Variants in TRDN observed in about 807,000 individuals in gnomAD.
The protein encoded by TRDN is triadin.
Under a neutral mutation model 149.7 loss-of-function variants are expected in TRDN, and 161 were observed. The observed-to-expected ratio is 1.08, with a 90% CI of 0.95 to 1.23. The LOEUF (loss-of-function observed/expected upper bound fraction) is 1.23, where lower values mean the gene tolerates loss of function less well. Ranked by LOEUF, TRDN falls within the 50% of genes most tolerant of loss-of-function variation. TRDN has a pLI of 0.00. For synonymous variants in TRDN, 294 were observed against 250.5 expected (o/e 1.17, Z -1.64); for missense variants, 896 against 823.5 (o/e 1.09, Z -1.08).
chr6:123,398,482 A>G (rs1160147694), intron 12 of TRDN, among the ~76,000 whole-genome samples: 1 of 152,216 alleles, frequency 6.6e-6, no homozygotes, highest in African/African-American at 2.4e-5. Context: ...GATAGTGGAA[A>G]CTAATGACAA....
intron 2 of TRDN, among the ~76,000 whole-genome samples, chr6:123,569,026 C>G (rs942271543): frequency 6.6e-6 from 1 of 152,182 alleles, no homozygotes; most frequent in African/African-American, 2.4e-5. Context: ...AAGATAAGTT[C>G]CACTTTAAGT....
chr6:123,518,820 C>T (rs1375590164), intron 5 of TRDN, among the ~76,000 whole-genome samples: 1 of 152,120 alleles, frequency 6.6e-6, no homozygotes, highest in Non-Finnish European at 1.5e-5. Flanking sequence ...GGGAGCTGTT[C>T]ATAATGGCAG....
intron 24 of TRDN, among the ~76,000 whole-genome samples, chr6:123,314,104 C>T (rs9388219): frequency 0.18 from 27,486 of 151,918 alleles, 3,371 homozygotes; most frequent in East Asian, 0.6. Context: ...ATGTGTCTGA[C>T]GCAAGTCTAA....
At chr6:123,583,268 A>C (rs902044680) in intron 1 of TRDN, among the ~76,000 whole-genome samples, 4 of 152,000 alleles carry the variant, frequency 2.6e-5, no homozygotes, top group African/African-American at 9.7e-5. Context: ...GGTGAATAGG[A>C]GTATGACTAG....
intron 2 of TRDN, among the ~76,000 whole-genome samples, chr6:123,562,893 A>T (rs1353853087): frequency 1.3e-5 from 2 of 152,220 alleles, no homozygotes; most frequent in African/African-American, 2.4e-5. Flanking sequence ...TCACTTTGCT[A>T]ATCTACATTT....
intron 32 of TRDN, among the ~76,000 whole-genome samples, chr6:123,266,136 T>G (rs1362493349): frequency 3.5e-5 from 4 of 114,100 alleles, no homozygotes; most frequent in Non-Finnish European, 6.6e-5. Flanking sequence ...TATATTATAA[T>G]ATGTATTATA....
chr6:123,544,524 G>A (rs1781019321), intron 4 of TRDN, among the ~76,000 whole-genome samples: 1 of 152,002 alleles, frequency 6.6e-6, no homozygotes, highest in Admixed American at 6.6e-5. Flanking sequence ...ACAGATCCAT[G>A]ATGTATACCC....
chr6:123,384,037 T>C (rs1049161224), intron 14 of TRDN, among the ~76,000 whole-genome samples: 1 of 152,174 alleles, frequency 6.6e-6, no homozygotes, highest in African/African-American at 2.4e-5. Flanking sequence ...TGCTATTTAG[T>C]TTGTCATCAG....
At chr6:123,253,836 C>A (rs1269909255) in intron 37 of TRDN, among the ~76,000 whole-genome samples, 1 of 152,070 alleles carries the variant, frequency 6.6e-6, no homozygotes, top group East Asian at 1.9e-4. Context: ...TAGATCACTC[C>A]CTTGGGGGCA....
At chr6:123,610,638 G>A (rs1008810102) in intron 1 of TRDN, among the ~76,000 whole-genome samples, 4 of 152,132 alleles carry the variant, frequency 2.6e-5, no homozygotes, top group Non-Finnish European at 4.4e-5. Flanking sequence ...CATGCTATGA[G>A]AGCCTATAAT....
chr6:123,542,140 A>C (rs1780866996), intron 4 of TRDN, among the ~76,000 whole-genome samples: 1 of 152,196 alleles, frequency 6.6e-6, no homozygotes, highest in Non-Finnish European at 1.5e-5. Context: ...GGGGAATTGT[A>C]ATTTGTTTTG....
intron 14 of TRDN, 96 bp from the exon 15 acceptor site, chr6:123,382,243 G>T: frequency 1.3e-6 from 1 of 792,444 alleles, no homozygotes; most frequent in Non-Finnish European, 1.9e-6. Context: ...AAATAAAATT[G>T]ATTATTCAAC....
chr6:123,629,189 C>T (rs912773325), intron 1 of TRDN, among the ~76,000 whole-genome samples: 1 of 152,026 alleles, frequency 6.6e-6, no homozygotes, highest in Non-Finnish European at 1.5e-5. Flanking sequence ...ACAGAAAATT[C>T]CCCTAATCAC....
Position 123,478,006 on chromosome 6 carries a change from T to C in TRDN, c.854-13023A>G, listed in dbSNP as rs372871028. On this transcript the variant is annotated intron_variant, in intron 9 of 40. Transcript: ENST00000334268. The stretch of plus-strand genomic sequence containing the variant: ...GCGCACCAGCATGCACATGTATACG[T>C]ATGTAACTAACCTGCACAATGTGCA... 1.8e-4 allele frequency among the ~76,000 whole-genome samples: 27 copies of C among 151,672 alleles called. No homozygotes were observed. The South Asian group carries it at 5.0e-3, about 28-fold the overall frequency.
chr6:123,301,768 T>TACATATATATATATATAC (rs1778427070), intron 24 of TRDN, among the ~76,000 whole-genome samples: 20 of 92,722 alleles, frequency 2.2e-4, no homozygotes, highest in African/African-American at 4.6e-4. Context: ...TATATATATA[T>TACATATATATATATATAC]ACATATATAT....
intron 26 of TRDN, among the ~76,000 whole-genome samples, chr6:123,277,711 G>C (rs1161526371): frequency 6.6e-6 from 1 of 152,100 alleles, no homozygotes; most frequent in Non-Finnish European, 1.5e-5. Flanking sequence ...CAGATTTCAT[G>C]GAAAGCATGT....
intron 12 of TRDN, among the ~76,000 whole-genome samples, chr6:123,420,146 G>A (rs1350099789): frequency 2.6e-5 from 4 of 152,134 alleles, no homozygotes; most frequent in African/African-American, 9.7e-5. Flanking sequence ...TCCACTTAGG[G>A]CTTTAATAAA....
chr6:123,498,368 A>G (rs1372650696), intron 8 of TRDN: 1 of 304,498 alleles, frequency 3.3e-6, no homozygotes, highest in East Asian at 7.8e-5. Context: ...AATCCATTTT[A>G]TTATGAAATT....
chr6:123,520,842 A>T (rs1238826599), intron 5 of TRDN, among the ~76,000 whole-genome samples: 1 of 152,104 alleles, frequency 6.6e-6, no homozygotes, highest in Non-Finnish European at 1.5e-5. Context: ...TTCCTTGTCC[A>T]GGTTTATTTT....
Sources: gnomAD v4.1 joint callset for allele counts (sites outside exome capture counted in the v4.1 genomes callset) on GRCh38, gnomAD v4.1.1 for gene constraint, MANE v1.5 for transcripts, NCBI Gene and HGNC (gene_info 2026-07-23, HGNC 2026-07-21) for gene names.